EYA2: variants seen among roughly 807,000 people sequenced by gnomAD.
EYA2 encodes protein phosphatase EYA2.
Under a neutral mutation model 69.2 loss-of-function variants are expected in EYA2, and 31 were observed. The observed-to-expected ratio is 0.45, with a 90% CI of 0.34 to 0.60. The LOEUF (loss-of-function observed/expected upper bound fraction) is 0.60, where lower values mean the gene tolerates loss of function less well. Among genes scored for constraint, EYA2 ranks in the 20% least tolerant of loss-of-function variants. The pLI, the probability that EYA2 is intolerant of heterozygous loss-of-function variation, is 0.02. For synonymous variants in EYA2, 257 were observed against 279.4 expected, an observed-to-expected ratio of 0.92 and a Z score of 0.80; for missense variants, 622 against 701.2, an observed-to-expected ratio of 0.89 and a Z score of 1.28.
chr20:46,896,239 T>A (rs1983805584), intron 1 of EYA2, among the ~76,000 whole-genome samples: 1 of 152,194 alleles, frequency 6.6e-6, no homozygotes, highest in Non-Finnish European at 1.5e-5. Flanking sequence ...AAGGAAATTA[T>A]AACCAGTGGA....
chr20:47,115,589 C>T (rs2032867460), intron 9 of EYA2, among the ~76,000 whole-genome samples: 1 of 151,962 alleles, frequency 6.6e-6, no homozygotes, highest in Admixed American at 6.6e-5. Flanking sequence ...CTCTTGAATC[C>T]CATCCCCTTC....
chr20:47,004,241 A>C (rs1486716786), intron 3 of EYA2, among the ~76,000 whole-genome samples: 1 of 152,242 alleles, frequency 6.6e-6, no homozygotes, highest in Non-Finnish European at 1.5e-5. Flanking sequence ...AGAGAGATTA[A>C]GAATGGGACA....
chr20:46,948,437 G>A (rs564578946), intron 1 of EYA2, among the ~76,000 whole-genome samples: 1 of 152,164 alleles, frequency 6.6e-6, no homozygotes. Context: ...ACTGGTCACA[G>A]CTCACTAAAC....
intron 5 of EYA2, among the ~76,000 whole-genome samples, chr20:47,050,746 C>T (rs1291613400): frequency 6.6e-6 from 1 of 152,138 alleles, no homozygotes; most frequent in Non-Finnish European, 1.5e-5. Context: ...TTAGATGAAC[C>T]CATTTGGAAT....
At chr20:46,959,981 G>A (rs977772793) in intron 1 of EYA2, among the ~76,000 whole-genome samples, 4 of 152,198 alleles carry the variant, frequency 2.6e-5, no homozygotes, top group South Asian at 2.1e-4. Flanking sequence ...CTGAAATCAC[G>A]AGAAGGGGTT....
At chr20:47,082,660 T>C (rs1412220680) in intron 7 of EYA2, among the ~76,000 whole-genome samples, 1 of 152,216 alleles carries the variant, frequency 6.6e-6, no homozygotes, top group Non-Finnish European at 1.5e-5. Context: ...CAAATTGAGC[T>C]ATAAGATTAA....
At chr20:46,963,028 C>G (rs979359342) in intron 1 of EYA2, among the ~76,000 whole-genome samples, 2 of 152,186 alleles carry the variant, frequency 1.3e-5, no homozygotes, top group African/African-American at 4.8e-5. Context: ...CCCCTCCACC[C>G]CGTGGGATGA....
intron 12 of EYA2, among the ~76,000 whole-genome samples, chr20:47,176,421 T>C (rs182398622): frequency 9.9e-5 from 15 of 152,152 alleles, no homozygotes; most frequent in Admixed American, 4.6e-4. Context: ...ATCACACCTA[T>C]TGAAGAAACA....
chr20:46,987,926 CT>C (rs1390013117), intron 1 of EYA2, among the ~76,000 whole-genome samples: 134 of 27,126 alleles, frequency 4.9e-3, no homozygotes, highest in South Asian at 8.4e-3. Context: ...GTCTCTCTCT[CT>C]CTCTCTCTCT....
At chr20:47,129,775 G>A (rs970540665) in intron 9 of EYA2, among the ~76,000 whole-genome samples, 4 of 152,196 alleles carry the variant, frequency 2.6e-5, no homozygotes, top group Non-Finnish European at 5.9e-5. Context: ...AGGTGCCTTG[G>A]AAATAAGATA....
At chr20:47,121,648 T>C (rs2033047828) in intron 9 of EYA2, among the ~76,000 whole-genome samples, 1 of 152,208 alleles carries the variant, frequency 6.6e-6, no homozygotes. Flanking sequence ...ATCCTGTCTC[T>C]ACAATTAAAA....
chr20:47,103,020 G>A (rs2032467686), intron 9 of EYA2, among the ~76,000 whole-genome samples: 1 of 152,118 alleles, frequency 6.6e-6, no homozygotes, highest in Non-Finnish European at 1.5e-5. Flanking sequence ...CTCCTTTTGT[G>A]CCTTGCCTTC....
rs1984778600 is a variant in EYA2 at position 46,914,051 on chromosome 20, C to A, written c.-11+19064C>A. Among the ~76,000 whole-genome samples the A allele has an allele frequency of 2.6e-5, 4 of 152,190 alleles. No individual in the cohort carries two copies. In the South Asian group the frequency reaches 6.2e-4, roughly 24 times the overall value. ...TCTTGGCTTTCTCAGTCCCGTTCCT[C>A]CTCTTCGTTTTGAGGAAATGACAAC... On this transcript the variant is annotated intron_variant, in intron 1 of 15. Coordinates refer to ENST00000327619, the MANE Select transcript of EYA2 (RefSeq NM_005244.5).
chr20:46,937,591 C>A (rs1398378864), intron 1 of EYA2, among the ~76,000 whole-genome samples: 1 of 151,220 alleles, frequency 6.6e-6, no homozygotes, highest in East Asian at 1.9e-4. Context: ...CTATAATTGT[C>A]TGTTTCTCCT....
rs3787246 is a variant in EYA2 at position 47,137,133 on chromosome 20, A to G, written c.889-5926A>G. Among the ~76,000 whole-genome samples the G allele has an allele frequency of 2.9e-4, 44 of 152,200 alleles. No individual in the cohort carries two copies. The East Asian group carries it at 8.3e-3, about 29-fold the overall frequency. On this transcript the variant is annotated intron_variant, in intron 9 of 15. Coordinates refer to ENST00000327619, the MANE Select transcript of EYA2 (RefSeq NM_005244.5). Reference sequence around the variant, plus strand: ...CTCCTCTCAGTTCATTCTGGTTTAAATTGATTTTTTTTAAAGTAATCCACT... The same window carrying G: ...CTCCTCTCAGTTCATTCTGGTTTAAGTTGATTTTTTTTAAAGTAATCCACT...
chr20:47,115,935 C>A (rs767152332), intron 9 of EYA2, among the ~76,000 whole-genome samples: 1 of 152,174 alleles, frequency 6.6e-6, no homozygotes, highest in African/African-American at 2.4e-5. Flanking sequence ...GCACTTCCCA[C>A]CACAGGGCCT....
At chr20:47,058,463 G>A (rs2030739545) in intron 5 of EYA2, among the ~76,000 whole-genome samples, 1 of 152,234 alleles carries the variant, frequency 6.6e-6, no homozygotes, top group Non-Finnish European at 1.5e-5. Context: ...GGGTGCGAGG[G>A]CGTTTATGGC....
chr20:47,176,443 G>A (rs6063080), intron 12 of EYA2, among the ~76,000 whole-genome samples: 86,488 of 151,982 alleles, frequency 0.57, 26,404 homozygotes, highest in African/African-American at 0.81. Flanking sequence ...ATATGGCAGA[G>A]AGCCCAGCGT....
chr20:47,118,981 G>GT (rs1215191740), intron 9 of EYA2, among the ~76,000 whole-genome samples: 6 of 152,216 alleles, frequency 3.9e-5, no homozygotes, highest in Non-Finnish European at 8.8e-5. Context: ...CTGGGTTGGA[G>GT]TAAGAAGCTC....
Sources: gnomAD v4.1 joint callset for allele counts (sites outside exome capture counted in the v4.1 genomes callset) on GRCh38, gnomAD v4.1.1 for gene constraint, MANE v1.5 for transcripts, NCBI Gene and HGNC (gene_info 2026-07-23, HGNC 2026-07-21) for gene names.